Variants in CDH13 observed in about 807,000 individuals in gnomAD.
CDH13 encodes the protein cadherin-13.
CDH13 carries 24 observed loss-of-function variants against 63.8 expected under a neutral mutation model. The ratio of observed to expected loss-of-function variants is 0.38; its 90% CI spans 0.27 to 0.53. The LOEUF is 0.53. Ranked by LOEUF, CDH13 falls within the 20% of genes least tolerant of loss-of-function variation. The pLI is 0.85. For synonymous variants in CDH13, 503 were observed against 355.3 expected (o/e 1.42, Z -4.67); for missense variants, 1,049 against 903.1 (o/e 1.16, Z -2.07).
chr16:83,779,556 C>T (rs1227220506), intron 11 of CDH13, among the ~76,000 whole-genome samples: 2 of 151,720 alleles, frequency 1.3e-5, no homozygotes, highest in Non-Finnish European at 2.9e-5. Flanking sequence ...GGCATGGTGG[C>T]TCACGCCTGT....
intron 1 of CDH13, among the ~76,000 whole-genome samples, chr16:82,816,559 C>T (rs888792469): frequency 6.6e-6 from 1 of 151,748 alleles, no homozygotes; most frequent in Non-Finnish European, 1.5e-5. Flanking sequence ...TTGAAAGAGG[C>T]AAAGGAATGA....
At chr16:83,511,100 A>ACGTGCACG (rs1555564273) in intron 7 of CDH13, among the ~76,000 whole-genome samples, 1,810 of 114,468 alleles carry the variant, frequency 0.016, 41 homozygotes, top group African/African-American at 0.06. Context: ...ACACATGCAC[A>ACGTGCACG]CATGCACGCA....
chr16:83,524,134 G>A (rs529836849), intron 7 of CDH13, among the ~76,000 whole-genome samples: 1 of 152,316 alleles, frequency 6.6e-6, no homozygotes, highest in East Asian at 1.9e-4. Flanking sequence ...ACCTTACCAT[G>A]CACTAGATTT....
At chr16:82,665,978 G>A (rs1280061992) in intron 1 of CDH13, among the ~76,000 whole-genome samples, 1 of 152,062 alleles carries the variant, frequency 6.6e-6, no homozygotes, top group African/African-American at 2.4e-5. Context: ...TATTTCTTTT[G>A]TACCATTGTA....
chr16:83,412,627 G>A (rs544490000), intron 6 of CDH13, among the ~76,000 whole-genome samples: 8 of 152,164 alleles, frequency 5.3e-5, no homozygotes, highest in Non-Finnish European at 1.0e-4. Context: ...AGATCTCAGC[G>A]GGGAGAAGGT....
chr16:83,264,758 T>C (rs112640214), intron 5 of CDH13, among the ~76,000 whole-genome samples: 1 of 152,002 alleles, frequency 6.6e-6, no homozygotes, highest in Non-Finnish European at 1.5e-5. Context: ...GGTTTTTTTT[T>C]TCTGGCATTT....
intron 2 of CDH13, 158 bp downstream of exon 2, chr16:82,858,631 A>G (rs1292151019): frequency 2.9e-6 from 2 of 682,272 alleles, no homozygotes; most frequent in South Asian, 1.6e-5. Flanking sequence ...TTCTTGAATG[A>G]GGGCCTGGCC....
intron 10 of CDH13, among the ~76,000 whole-genome samples, chr16:83,713,793 A>G (rs1908453678): frequency 6.6e-6 from 1 of 152,216 alleles, no homozygotes; most frequent in African/African-American, 2.4e-5. Flanking sequence ...AAAACAGTCC[A>G]TGCCAGTGAC....
chr16:83,120,660 A>T lies in CDH13; in HGVS notation c.367-4725A>T, dbSNP rs1297254239. 2.6e-5 allele frequency among the ~76,000 whole-genome samples: 4 copies of T among 151,816 alleles called. 1 individual carries two copies. The highest frequency in any genetic ancestry group is 9.7e-5 in the African/African-American group (4 of 41,284). The stretch of plus-strand genomic sequence containing the variant: ...AATGATATTCAGATATTACAAATAT[A>T]TTTTACGTATTTCCTATTTTTGCCA... On this transcript the variant is annotated intron_variant, in intron 3 of 13. Transcript: ENST00000567109.
intron 1 of CDH13, among the ~76,000 whole-genome samples, chr16:82,638,826 G>GCGCGCGCT: frequency 6.6e-6 from 1 of 152,014 alleles, no homozygotes; most frequent in South Asian, 2.1e-4. Context: ...CAGTGTGTGC[G>GCGCGCGCT]TGTGTGCGTT....
intron 7 of CDH13, among the ~76,000 whole-genome samples, chr16:83,554,347 A>T (rs1438217203): frequency 6.6e-6 from 1 of 152,154 alleles, no homozygotes; most frequent in Non-Finnish European, 1.5e-5. Context: ...ATCGAAGAAG[A>T]GATAGGAAAA....
At chr16:83,226,746 T>A (rs1044338704) in intron 5 of CDH13, among the ~76,000 whole-genome samples, 3 of 152,078 alleles carry the variant, frequency 2.0e-5, no homozygotes, top group Admixed American at 6.5e-5. Flanking sequence ...GGGAACAAGT[T>A]AAATAACGGG....
intron 6 of CDH13, among the ~76,000 whole-genome samples, chr16:83,453,487 G>A (rs1304654144): frequency 6.6e-6 from 1 of 152,156 alleles, no homozygotes; most frequent in African/African-American, 2.4e-5. Context: ...AAAGCACTTA[G>A]CATCGTGTCT....
rs71146088 is a variant in CDH13 at position 82,714,712 on chromosome 16, T to TAA, written c.45+87601_45+87602dup. ...CTAGGCGACAGAGCAAGACTCCATC[T>TAA]AAAAAAAAAAAAAAAAAAAAAAAAA... On this transcript the variant is annotated intron_variant, in intron 1 of 13. Transcript: ENST00000567109. Among the ~76,000 whole-genome samples, 142 of 30,022 alleles carry TAA rather than the reference T, an allele frequency of 4.7e-3. 7 individuals are homozygous for TAA. The highest frequency in any genetic ancestry group is 5.6e-3 in the African/African-American group (45 of 8,016). The allele number at this position is 30,022 out of a possible 152,430, so 19.7% of individuals were successfully genotyped here.
chr16:83,613,840 A>AAT (rs1555585622), intron 8 of CDH13, among the ~76,000 whole-genome samples: 18 of 151,878 alleles, frequency 1.2e-4, no homozygotes, highest in African/African-American at 4.1e-4. Context: ...CTCAAAAAAA[A>AAT]TTTTTTTTAA....
rs770079983 is a variant in CDH13 at position 83,795,059 on chromosome 16, C to T, written c.*29C>T. On this transcript the variant is annotated 3_prime_UTR_variant, in exon 14 of 14. Transcript: ENST00000567109. ...CTCCTGACGTCTGAAGCTTGACTCC[C>T]AAGTTTCCATAGCAACAGGAAAAAA... The T allele has an allele frequency of 6.4e-7, 1 of 1,573,854 alleles. No individual in the cohort carries two copies. The highest frequency in any genetic ancestry group is 8.6e-7 in the Non-Finnish European group (1 of 1,159,892).
intron 5 of CDH13, among the ~76,000 whole-genome samples, chr16:83,288,981 G>T (rs2089397547): frequency 6.6e-6 from 1 of 152,152 alleles, no homozygotes; most frequent in South Asian, 2.1e-4. Flanking sequence ...CCCATTAACT[G>T]CCTGCTCGCT....
chr16:83,249,085 A>T (rs914127371), intron 5 of CDH13, among the ~76,000 whole-genome samples: 2 of 152,210 alleles, frequency 1.3e-5, no homozygotes, highest in Non-Finnish European at 2.9e-5. Context: ...GAGCAGTACT[A>T]CTAAAACACA....
chr16:83,506,628 C>T (rs892012213), intron 7 of CDH13, among the ~76,000 whole-genome samples: 7 of 152,332 alleles, frequency 4.6e-5, no homozygotes, highest in African/African-American at 1.2e-4. Flanking sequence ...CATGCTCCTG[C>T]GTGGTCCCCT....
Sources: allele counts gnomAD v4.1 joint callset (sites outside exome capture counted in the v4.1 genomes callset), GRCh38; gene constraint gnomAD v4.1.1; transcripts MANE v1.5; gene names NCBI Gene and HGNC (gene_info 2026-07-23, HGNC 2026-07-21).